SEC16A: variants seen among roughly 807,000 people sequenced by gnomAD.
The protein encoded by SEC16A is protein transport protein Sec16A.
Under a neutral mutation model 221.9 loss-of-function variants are expected in SEC16A, and 110 were observed. The observed-to-expected ratio is 0.50, with a 90% CI of 0.42 to 0.58. SEC16A has a LOEUF of 0.58. Ranked by LOEUF, SEC16A falls within the 20% of genes least tolerant of loss-of-function variation. The probability of loss-of-function intolerance (pLI) is 0.00; values close to 1 mark genes in which losing one functional copy is unlikely to be tolerated. For synonymous variants in SEC16A, 1,393 were observed against 1,257.7 expected (o/e 1.11, Z -2.28); for missense variants, 3,165 against 3,097.8 (o/e 1.02, Z -0.52).
upstream of SEC16A, chr9:136,484,353 C>G (rs1203895580): frequency 8.7e-7 from 1 of 1,150,626 alleles, no homozygotes; most frequent in African/African-American, 1.6e-5. Context: ...CACGCCCTCC[C>G]GCGGAAGATC....
chr9:136,474,530 T>A lies in SEC16A; in HGVS notation c.3086A>T (p.Gln1029Leu). Residue 1029 changes from glutamine (Q) to leucine (L), a missense_variant, in exon 3 of 32, where the codon CAA becomes CTA. Physicochemically the swap from Gln to Leu is moderately radical, Grantham distance 113 (BLOSUM62 -2). Transcript: ENST00000684901. ...SQQSVASHPR[Q>L]SGPGAPNLDR... is the part of the protein sequence containing the mutation. ...AAGGTTAGGCGCCCCAGGCCCAGAT[T>A]GTCTGGGATGACTGGCAACACTTTG... The A allele has an allele frequency of 6.2e-7, 1 of 1,612,986 alleles. No individual in the cohort carries two copies. Among genetic ancestry groups the A allele is most frequent in the Non-Finnish European group, 8.5e-7 (1 of 1,179,828 alleles).
chr9:136,467,951 T>G (rs1439058452), intron 5 of SEC16A, among the ~76,000 whole-genome samples: 1 of 152,224 alleles, frequency 6.6e-6, no homozygotes, highest in Non-Finnish European at 1.5e-5. Flanking sequence ...AGCACCCAGG[T>G]CGCTGCCCGG....
Position 136,455,677 on chromosome 9 carries a change from C to T in SEC16A, c.5781G>A (p.Gly1927=). The part of the protein sequence containing the change: ...RPGLSQPGAL[G]IANPLLAVPA... Reference sequence around the variant, plus strand: ...GCACCGCCAGCAGAGGGTTGGCGATCCCCAGGGCTCCTGGCTGACTGAGTC... The same window carrying T: ...GCACCGCCAGCAGAGGGTTGGCGATTCCCAGGGCTCCTGGCTGACTGAGTC... Residue 1927 remains glycine, a synonymous_variant, in exon 20 of 32, where the codon GGG becomes GGA. Coordinates refer to ENST00000684901, the MANE Select transcript of SEC16A (RefSeq NM_014866.2). 6.3e-7 allele frequency: 1 copy of T among 1,593,496 alleles called. No homozygotes were observed. Among genetic ancestry groups the T allele is most frequent in the Middle Eastern group, 1.7e-4 (1 of 5,842 alleles).
intron 14 of SEC16A, 32 bp downstream of exon 14, chr9:136,460,010 G>T: frequency 6.3e-7 from 1 of 1,576,852 alleles, no homozygotes; most frequent in Non-Finnish European, 8.6e-7. Flanking sequence ...AGGCAGTGGA[G>T]CCTGTGCAAG....
At position 136,450,035 on chromosome 9, in the gene SEC16A, C is replaced by A. The variant is rs1837571762; in HGVS notation, c.6312+1221G>T. 7.2e-5 allele frequency among the ~76,000 whole-genome samples: 11 copies of A among 151,970 alleles called. No individual in the cohort carries two copies. The South Asian group carries it at 2.3e-3, about 32-fold the overall frequency. On this transcript the variant is annotated intron_variant, in intron 23 of 31. Coordinates refer to ENST00000684901, the MANE Select transcript of SEC16A (RefSeq NM_014866.2). ...CCTGGCCAACATGGTGAAACCCCAT[C>A]TCTACTAAAAATACAAAAAATTAGC...
At chr9:136,446,316 CCAGGCTGGTCTCGAA>C (rs1836974797) in intron 28 of SEC16A, among the ~76,000 whole-genome samples, 1 of 151,526 alleles carries the variant, frequency 6.6e-6, no homozygotes, top group Non-Finnish European at 1.5e-5. Flanking sequence ...ACCATGTTGG[CCAGGCTGGTCTCGAA>C]CTCCTGACCT....
At chr9:136,462,126 A>G (rs1041947764) in intron 12 of SEC16A, among the ~76,000 whole-genome samples, 2 of 152,108 alleles carry the variant, frequency 1.3e-5, no homozygotes, top group African/African-American at 4.8e-5. Context: ...AAAAATAAAA[A>G]AATAAAAATA....
intron 28 of SEC16A, among the ~76,000 whole-genome samples, chr9:136,446,116 T>G (rs1271357557): frequency 1.3e-5 from 2 of 151,226 alleles, no homozygotes; most frequent in Non-Finnish European, 3.0e-5. Context: ...TTTTTTTTTT[T>G]TTTTTTTGAG....
At position 136,445,691 on chromosome 9, in the gene SEC16A, C is replaced by A; in HGVS notation, c.6821G>T (p.Gly2274Val). 1 of 1,551,794 alleles carries A rather than the reference C, an allele frequency of 6.4e-7. No homozygotes were observed. The highest frequency in any genetic ancestry group is 2.4e-5 in the East Asian group (1 of 41,326). ...AGGCCTGGAGGAGGGGAGTTCAGAG[C>A]CAGGGAGTGACGCTGCAGAGCTTAA... ...KVLSSAASLP[G>V]SELPSSRPEG... The change falls in exon 29 of 32, where the codon GGC (glycine) becomes GTC (valine). Residue 2274 changes from glycine to valine, a missense_variant. This residue lies in a region of SEC16A where 1,088 missense variants were observed against 1,089.6 expected (regional missense o/e 1.00). Transcript: ENST00000684901.
Position 136,467,084 on chromosome 9 carries a change from C to A in SEC16A, c.3803-1G>T, listed in dbSNP as rs1282782859. The A allele has an allele frequency of 6.2e-7, 1 of 1,613,650 alleles. No homozygotes were observed. Among genetic ancestry groups the A allele is most frequent in the African/African-American group, 1.3e-5 (1 of 74,920 alleles). On this transcript the variant is annotated splice_acceptor_variant, in intron 5 of 31. Coordinates refer to ENST00000684901, the MANE Select transcript of SEC16A (RefSeq NM_014866.2). LOFTEE classifies it high-confidence loss of function. ...TGGTAACGATCCCAGTGACCTGGAT[C>A]TGTGAGCAAGGAATTAATGATTAAT...
Position 136,459,604 on chromosome 9 carries a change from G to A in SEC16A, c.5192-49C>T, listed in dbSNP as rs556008493. The A allele has an allele frequency of 9.7e-5, 141 of 1,459,210 alleles. 1 individual carries two copies. Among genetic ancestry groups the A allele is most frequent in the Non-Finnish European group, 1.2e-4 (130 of 1,065,452 alleles). 90.4% of individuals were successfully genotyped at this position (1,459,210 alleles called of 1,614,324 possible). A position where few individuals can be genotyped will look rare whatever the true frequency, so the allele number is the denominator to read the frequency against. On this transcript the variant is annotated intron_variant, in intron 15 of 31. Transcript: ENST00000684901. This position sits in a 1 kb window ranked among gnomAD's most constrained non-coding sequence, Gnocchi z 6.1. Reference sequence around the variant, plus strand: ...CGGCGGGGGCTCAGCGACCGGGAGCGCTTGCAGAAGTCAAGGACGCGCACA... The same window carrying A: ...CGGCGGGGGCTCAGCGACCGGGAGCACTTGCAGAAGTCAAGGACGCGCACA...
intron 2 of SEC16A, among the ~76,000 whole-genome samples, chr9:136,478,131 A>G (rs1421424680): frequency 3.9e-5 from 6 of 152,222 alleles, no homozygotes; most frequent in African/African-American, 4.8e-5. Flanking sequence ...CTGGCCAGAT[A>G]TGGTGGCTTA....
chr9:136,458,838 C>A (rs1588929958), intron 17 of SEC16A, among the ~76,000 whole-genome samples: 1 of 152,040 alleles, frequency 6.6e-6, no homozygotes, highest in Non-Finnish European at 1.5e-5. Context: ...AGGTGAATCA[C>A]TTGAGCCTGG....
At chr9:136,458,531 G>A (rs931857066) in intron 17 of SEC16A, among the ~76,000 whole-genome samples, 1 of 152,000 alleles carries the variant, frequency 6.6e-6, no homozygotes, top group Non-Finnish European at 1.5e-5. Flanking sequence ...GGGAGGCTGA[G>A]GAAGGAGAAT....
At chr9:136,456,308 T>TA in intron 18 of SEC16A, 142 bp from the exon 19 acceptor site, 1 of 626,306 alleles carries the variant, frequency 1.6e-6, no homozygotes, top group Non-Finnish European at 2.8e-6. Flanking sequence ...AGTATGTGCT[T>TA]AGGTGACATA....
rs563297933 is a variant in SEC16A, at chr9:136,469,653, G to A, written c.3705-1141C>T. On this transcript the variant is annotated intron_variant, in intron 4 of 31. Transcript: ENST00000684901. Reference sequence around the variant, plus strand: ...TGCACTCCAGCCTGGCTAAAAGGGTGAGACCTAAAAAGACTCTTGAAAGGA... The same window carrying A: ...TGCACTCCAGCCTGGCTAAAAGGGTAAGACCTAAAAAGACTCTTGAAAGGA... 3.3e-5 allele frequency among the ~76,000 whole-genome samples: 5 copies of A among 152,302 alleles called. No individual in the cohort carries two copies. In the South Asian group the frequency reaches 1.0e-3, roughly 32 times the overall value.
In SEC16A at chr9:136,468,688, C is replaced by T. The variant is rs1338803933; in HGVS notation, c.3705-176G>A. 3.3e-5 allele frequency among the ~76,000 whole-genome samples: 5 copies of T among 152,194 alleles called. No homozygotes were observed. The South Asian group carries it at 8.3e-4, about 25-fold the overall frequency. Reference sequence around the variant, plus strand: ...AGGATGAGACTGTGGAATTTCCCACCATACGGCTAATTCAAATTCATCTTG... The same window carrying T: ...AGGATGAGACTGTGGAATTTCCCACTATACGGCTAATTCAAATTCATCTTG... On this transcript the variant is annotated intron_variant, in intron 4 of 31. Coordinates refer to ENST00000684901, the MANE Select transcript of SEC16A (RefSeq NM_014866.2).
chr9:136,480,526 T>C (rs1360030437), intron 1 of SEC16A, among the ~76,000 whole-genome samples: 1 of 152,118 alleles, frequency 6.6e-6, no homozygotes, highest in African/African-American at 2.4e-5. Context: ...TATTTTTTCC[T>C]AAAAAACCCG....
intron 1 of SEC16A, among the ~76,000 whole-genome samples, chr9:136,481,756 C>CA (rs1842394752): frequency 6.6e-6 from 1 of 152,142 alleles, no homozygotes; most frequent in Non-Finnish European, 1.5e-5. Flanking sequence ...GACGCCCTGT[C>CA]AGACTGTGGG....
Sources: gnomAD v4.1 joint callset for allele counts (sites outside exome capture counted in the v4.1 genomes callset) on GRCh38, gnomAD v4.1.1 for gene constraint, gnomAD v4.1.1 regional missense constraint, Gnocchi (gnomAD v3.1) non-coding constraint, MANE v1.5 for transcripts, NCBI Gene and HGNC (gene_info 2026-07-23, HGNC 2026-07-21) for gene names.